KIF26B: variants seen among roughly 807,000 people sequenced by gnomAD.
The protein encoded by KIF26B is kinesin family member 26B.
In KIF26B, 63 loss-of-function variants were observed where a neutral mutation model predicts 151.2. The observed-to-expected ratio is 0.42, with a 90% CI of 0.34 to 0.51. The LOEUF is 0.51. Among genes scored for constraint, KIF26B ranks in the 20% least tolerant of loss-of-function variants. The pLI, the probability that KIF26B is intolerant of heterozygous loss-of-function variation, is 0.07. For synonymous variants in KIF26B, 1,357 were observed against 1,262.1 expected (o/e 1.08, Z -1.59); for missense variants, 2,813 against 2,913.6 (o/e 0.97, Z 0.79).
intron 2 of KIF26B, among the ~76,000 whole-genome samples, chr1:245,202,196 A>G (rs1029200370): frequency 1.3e-5 from 2 of 152,208 alleles, no homozygotes; most frequent in Non-Finnish European, 2.9e-5. Context: ...ATTATTAGCC[A>G]GGAAAGCTCT....
At chr1:245,297,614 T>C (rs1365712029) in intron 2 of KIF26B, among the ~76,000 whole-genome samples, 3 of 152,246 alleles carry the variant, frequency 2.0e-5, no homozygotes, top group African/African-American at 4.8e-5. Context: ...TGAGAAACTA[T>C]GATTTTTTAG....
rs979974444 is a variant in KIF26B at position 245,167,017 on chromosome 1, C to T, written c.465+10334C>T. Among the ~76,000 whole-genome samples the T allele has an allele frequency of 6.6e-5, 10 of 152,086 alleles. No individual in the cohort carries two copies. Among genetic ancestry groups the T allele is most frequent in the Non-Finnish European group, 1.2e-4 (8 of 68,016 alleles). ...TAAATATGTCTTAAGTGTTATAGAC[C>T]AGGTTACAGCTGAGGGACTATTTTG... is the stretch of plus-strand genomic sequence containing the variant. On this transcript the variant is annotated intron_variant, in intron 2 of 14. Transcript: ENST00000407071. This position sits in a 1 kb window ranked among gnomAD's most constrained non-coding sequence, Gnocchi z 4.2.
chr1:245,371,678 C>T (rs1283547783), intron 3 of KIF26B: 6 of 152,132 alleles, frequency 3.9e-5, no homozygotes, highest in East Asian at 1.9e-4. Context: ...CCCCGTGGCC[C>T]GCACCACTGT....
intron 10 of KIF26B, among the ~76,000 whole-genome samples, chr1:245,678,267 G>A (rs972570435): frequency 6.6e-6 from 1 of 151,968 alleles, no homozygotes; most frequent in Admixed American, 6.6e-5. Flanking sequence ...AGGGCCCTGG[G>A]GTTTGGGGCC....
In KIF26B at chr1:245,564,100, C is replaced by T. The variant is rs919258086; in HGVS notation, c.1350+23150C>T. ...CAATCCCAAGTACCAGTCAGGCTCC[C>T]ACCGTCCCTTCCTATCCCAAAATGT... On this transcript the variant is annotated intron_variant, in intron 5 of 14. Transcript: ENST00000407071. This position sits in a 1 kb window ranked among gnomAD's most constrained non-coding sequence, Gnocchi z 4.6. Among the ~76,000 whole-genome samples, 3 of 152,154 alleles carry T rather than the reference C, an allele frequency of 2.0e-5. No homozygotes were observed. Among genetic ancestry groups the T allele is most frequent in the Non-Finnish European group, 4.4e-5 (3 of 68,022 alleles).
rs760328957 is a variant in KIF26B, at chr1:245,366,881, C to T, written c.513C>T (p.Asn171=). 1 of 1,614,050 alleles carries T rather than the reference C, an allele frequency of 6.2e-7. No individual in the cohort carries two copies. Residue 171 remains asparagine (N), a synonymous_variant, in exon 3 of 15, where the codon AAC becomes AAT. Transcript: ENST00000407071. ...AVIHDKLQVP[N]TIRKAWNDRD... ...TTCACGACAAACTCCAGGTCCCCAA[C>T]ACCATCCGGAAGGCATGGAACGACC...
chr1:245,697,883 A>G (rs958732520), intron 12 of KIF26B, among the ~76,000 whole-genome samples: 1 of 152,082 alleles, frequency 6.6e-6, no homozygotes, highest in Non-Finnish European at 1.5e-5. Context: ...CTCAAAAAAA[A>G]ACATTTAATT....
At chr1:245,157,063 C>T (rs1668451265) in intron 2 of KIF26B, among the ~76,000 whole-genome samples, 1 of 151,968 alleles carries the variant, frequency 6.6e-6, no homozygotes, top group East Asian at 1.9e-4. Context: ...AAAATGTCAG[C>T]GGGAGCTGTA....
chr1:245,339,092 C>T (rs1672288761), intron 2 of KIF26B, among the ~76,000 whole-genome samples: 1 of 152,012 alleles, frequency 6.6e-6, no homozygotes, highest in Admixed American at 6.6e-5. Flanking sequence ...ATTCTCCTGC[C>T]TCAGCCTCCT....
chr1:245,178,534 A>C (rs894440429), intron 2 of KIF26B, among the ~76,000 whole-genome samples: 1 of 152,176 alleles, frequency 6.6e-6, no homozygotes, highest in African/African-American at 2.4e-5. Context: ...AGTGGCTTTA[A>C]GTACCTTCAT....
At chr1:245,292,260 T>C (rs990400872) in intron 2 of KIF26B, among the ~76,000 whole-genome samples, 1 of 152,196 alleles carries the variant, frequency 6.6e-6, no homozygotes, top group African/African-American at 2.4e-5. Flanking sequence ...CTCTGAGCTC[T>C]GTTCCAGACT....
chr1:245,284,725 C>A (rs1671134764), intron 2 of KIF26B, among the ~76,000 whole-genome samples: 1 of 152,188 alleles, frequency 6.6e-6, no homozygotes, highest in Non-Finnish European at 1.5e-5. Context: ...TAACAAGTCA[C>A]CACAAAACTT....
intron 4 of KIF26B, among the ~76,000 whole-genome samples, chr1:245,442,787 C>A (rs56382651): frequency 1.3e-5 from 1 of 79,124 alleles, no homozygotes; most frequent in African/African-American, 5.3e-5. Flanking sequence ...TGTTCACCTA[C>A]AGCGGTCATC....
In KIF26B at chr1:245,699,002, A is replaced by G; in HGVS notation, c.6143A>G (p.Tyr2048Cys). The change falls in exon 14 of 15, where the codon TAT becomes TGT. Residue 2048 changes from tyrosine to cysteine, a missense_variant. Tyr to Cys is a radical substitution (Grantham distance 194). Around this residue, in one of 3 missense-constraint regions of KIF26B, gnomAD observed 2,060 missense variants for 2,088.6 expected, o/e 0.99. Coordinates refer to ENST00000407071, the MANE Select transcript of KIF26B (RefSeq NM_018012.4). ...AAGGAGCTGGAGGCGACCAAACAGTATCTGATGCTGGATCCCAACAAGTGG... is the reference window on the plus strand; with the variant it reads ...AAGGAGCTGGAGGCGACCAAACAGTGTCTGATGCTGGATCCCAACAAGTGG... ...LMKELEATKQYLMLDPNKWLS... is the reference protein window; with the variant it reads ...LMKELEATKQCLMLDPNKWLS... 6.2e-7 allele frequency: 1 copy of G among 1,614,002 alleles called. No homozygotes were observed. Among genetic ancestry groups the G allele is most frequent in the East Asian group, 2.2e-5 (1 of 44,880 alleles).
intron 9 of KIF26B, among the ~76,000 whole-genome samples, chr1:245,615,330 C>T (rs2043576862): frequency 6.6e-6 from 1 of 152,198 alleles, no homozygotes; most frequent in Admixed American, 6.5e-5. Context: ...AGGTTTCAAA[C>T]CAAACTGAGG....
chr1:245,317,562 T>A (rs1671803413), intron 2 of KIF26B, among the ~76,000 whole-genome samples: 1 of 152,248 alleles, frequency 6.6e-6, no homozygotes, highest in Admixed American at 6.5e-5. Flanking sequence ...CCTGGGAAGC[T>A]GCATGCCGCT....
chr1:245,622,645 A>G lies in KIF26B; in HGVS notation c.2098+10669A>G, dbSNP rs533992836. ...TCCACAACAGCTTTGGGAAGTTTCCATCTCTGCCTTTGCCATTTTCCTTCT... is the reference window on the plus strand; with the variant it reads ...TCCACAACAGCTTTGGGAAGTTTCCGTCTCTGCCTTTGCCATTTTCCTTCT... On this transcript the variant is annotated intron_variant, in intron 9 of 14. Coordinates refer to ENST00000407071, the MANE Select transcript of KIF26B (RefSeq NM_018012.4). Among the ~76,000 whole-genome samples, 231 of 152,266 alleles carry G rather than the reference A, an allele frequency of 1.5e-3. 1 individual carries two copies. Among genetic ancestry groups the G allele is most frequent in the Non-Finnish European group, 2.9e-3 (200 of 68,018 alleles).
At chr1:245,385,074 A>G (rs1673511182) in intron 3 of KIF26B, among the ~76,000 whole-genome samples, 1 of 152,156 alleles carries the variant, frequency 6.6e-6, no homozygotes, top group South Asian at 2.1e-4. Context: ...GATTTTATCC[A>G]TTTATCTGCA....
At chr1:245,551,269 T>C (rs1376091868) in intron 5 of KIF26B, among the ~76,000 whole-genome samples, 2 of 152,130 alleles carry the variant, frequency 1.3e-5, no homozygotes, top group African/African-American at 4.8e-5. Context: ...TCTCAAACAC[T>C]TGGGCTCAAG....
Sources: allele counts gnomAD v4.1 joint callset (sites outside exome capture counted in the v4.1 genomes callset), GRCh38; gene constraint gnomAD v4.1.1; regional missense constraint gnomAD v4.1.1; non-coding constraint Gnocchi (gnomAD v3.1); transcripts MANE v1.5; gene names NCBI Gene and HGNC (gene_info 2026-07-23, HGNC 2026-07-21).